DACH2: variants seen among roughly 807,000 people sequenced by gnomAD.
DACH2 encodes dachshund family transcription factor 2.
A neutral mutation model predicts 35.8 loss-of-function variants in DACH2; 17 were observed. The observed-to-expected ratio is 0.48, with a 90% CI of 0.33 to 0.71. The LOEUF (loss-of-function observed/expected upper bound fraction) is 0.71. Among genes scored for constraint, DACH2 ranks in the 30% least tolerant of loss-of-function variants. The pLI is 0.02. For synonymous variants in DACH2, 195 were observed against 177.3 expected, an observed-to-expected ratio of 1.10 and a Z score of -0.79; for missense variants, 469 against 472.7, an observed-to-expected ratio of 0.99 and a Z score of 0.07.
At chrX:86,829,381 A>G (rs1284156480) in intron 11 of DACH2, 1 of 112,385 alleles carries the variant, frequency 8.9e-6, no homozygotes, top group Non-Finnish European at 1.9e-5. Flanking sequence ...CATTAAATGG[A>G]ATTTCCAAAT....
chrX:86,658,587 A>G (rs1384316671), intron 4 of DACH2, among the ~76,000 whole-genome samples: 1 of 111,412 alleles, frequency 9.0e-6, no homozygotes, highest in Non-Finnish European at 1.9e-5. Context: ...GCTCCAAATG[A>G]GAAATTCTGT....
intron 1 of DACH2, among the ~76,000 whole-genome samples, chrX:86,254,807 T>TATATATATATATATATAG (rs1380613474): frequency 3.0e-4 from 15 of 49,642 alleles, no homozygotes; most frequent in African/African-American, 8.2e-4. Flanking sequence ...TATATATATA[T>TATATATATATATATATAG]AGAGAGAGAG....
At chrX:86,459,417 C>T (rs1242258013) in intron 2 of DACH2, among the ~76,000 whole-genome samples, 1 of 111,451 alleles carries the variant, frequency 9.0e-6, no homozygotes, top group Non-Finnish European at 1.9e-5. Context: ...TATTTAAACA[C>T]AACCTTTGCG....
intron 1 of DACH2, among the ~76,000 whole-genome samples, chrX:86,272,199 A>AGTGTGT (rs139733313): frequency 0.14 from 14,280 of 100,236 alleles, 823 homozygotes; most frequent in African/African-American, 0.17. Context: ...TTCCTTTGAG[A>AGTGTGT]GTGTGTGTGT....
intron 2 of DACH2, among the ~76,000 whole-genome samples, chrX:86,377,869 T>C (rs1433061314): frequency 2.7e-5 from 3 of 110,527 alleles, no homozygotes; most frequent in Admixed American, 1.9e-4. Context: ...AAGTTAGTTT[T>C]ACATGTCATG....
At chrX:86,156,407 G>A (rs1057188791) in intron 1 of DACH2, among the ~76,000 whole-genome samples, 12 of 111,208 alleles carry the variant, frequency 1.1e-4, no homozygotes, top group Non-Finnish European at 2.1e-4. Context: ...AGTATATGAC[G>A]TTCCTTAACA....
chrX:86,354,857 A>T (rs866042632), intron 1 of DACH2, among the ~76,000 whole-genome samples: 1 of 16,294 alleles, frequency 6.1e-5, no homozygotes. Context: ...TGAAAAAAAA[A>T]AACAAAACAA....
intron 7 of DACH2, among the ~76,000 whole-genome samples, chrX:86,811,789 T>C (rs2042397432): frequency 1.8e-5 from 2 of 112,128 alleles, no homozygotes; most frequent in South Asian, 7.4e-4. Context: ...TATGAAAGAC[T>C]GTCAGCCAGA....
chrX:86,191,421 A>G (rs1162587135), intron 1 of DACH2, among the ~76,000 whole-genome samples: 1 of 111,374 alleles, frequency 9.0e-6, no homozygotes, highest in African/African-American at 3.3e-5. Flanking sequence ...GTGGGAGCTA[A>G]GCCTCAAGTA....
chrX:86,529,946 T>TAC (rs779572561), intron 3 of DACH2, among the ~76,000 whole-genome samples: 2,529 of 79,093 alleles, frequency 0.032, 25 homozygotes, highest in Non-Finnish European at 0.038. Flanking sequence ...CCATTGTACA[T>TAC]ACACACACAC....
At chrX:86,652,460 C>A (rs377079219) in intron 4 of DACH2, among the ~76,000 whole-genome samples, 3 of 112,154 alleles carry the variant, frequency 2.7e-5, no homozygotes, top group African/African-American at 9.7e-5. Flanking sequence ...TGGGTGTATA[C>A]CCAGTAGTGG....
At chrX:86,810,964 G>C (rs2042389632) in intron 7 of DACH2, among the ~76,000 whole-genome samples, 1 of 111,732 alleles carries the variant, frequency 8.9e-6, no homozygotes, top group Non-Finnish European at 1.9e-5. Flanking sequence ...GAAAACATTT[G>C]CATCTGTGAA....
chrX:86,212,799 T>A (rs2147915122), intron 1 of DACH2, among the ~76,000 whole-genome samples: 1 of 111,347 alleles, frequency 9.0e-6, no homozygotes, highest in Non-Finnish European at 1.9e-5. Flanking sequence ...TTTAAGACAA[T>A]GTGTTCTAAA....
chrX:86,398,640 G>T lies in DACH2; in HGVS notation c.527+21778G>T, dbSNP rs188193662. Among the ~76,000 whole-genome samples, 384 of 111,726 alleles carry T rather than the reference G, an allele frequency of 3.4e-3. 2 individuals carry two copies. The highest frequency in any genetic ancestry group is 5.6e-3 in the Non-Finnish European group (295 of 53,107). On this transcript the variant is annotated intron_variant, in intron 2 of 11. Coordinates refer to ENST00000373125, the MANE Select transcript of DACH2 (RefSeq NM_053281.3). ...ATATCTTTATTTCTGCCTTCATTTC[G>T]TTATGTACCCAGTGGTTATTCAGGG...
chrX:86,628,977 A>C (rs2040168528), intron 3 of DACH2, among the ~76,000 whole-genome samples: 1 of 112,417 alleles, frequency 8.9e-6, no homozygotes, highest in Non-Finnish European at 1.9e-5. Flanking sequence ...TTAGCACTAC[A>C]ATTTAATTTT....
chrX:86,298,436 CTT>C (rs1293420098), intron 1 of DACH2, among the ~76,000 whole-genome samples: 1 of 112,108 alleles, frequency 8.9e-6, no homozygotes, highest in African/African-American at 3.2e-5. Flanking sequence ...TCTTAATTCT[CTT>C]GTTTGCTCTA....
chrX:86,205,490 C>CT (rs2032280616), intron 1 of DACH2, among the ~76,000 whole-genome samples: 1 of 23,322 alleles, frequency 4.3e-5, no homozygotes, highest in Non-Finnish European at 7.7e-5. Flanking sequence ...CCCTCCTTCC[C>CT]TCCTTCCTTC....
At chrX:86,250,180 C>A (rs191112765) in intron 1 of DACH2, among the ~76,000 whole-genome samples, 1 of 111,386 alleles carries the variant, frequency 9.0e-6, no homozygotes, top group African/African-American at 3.3e-5. Context: ...AACAAACTTG[C>A]ACATGTACTT....
chrX:86,331,721 T>G (rs2148049589), intron 1 of DACH2, among the ~76,000 whole-genome samples: 1 of 111,466 alleles, frequency 9.0e-6, no homozygotes. Context: ...AATTATAGAT[T>G]AATATTAAAA....
Sources: gnomAD v4.1 joint callset for allele counts (sites outside exome capture counted in the v4.1 genomes callset) on GRCh38, gnomAD v4.1.1 for gene constraint, MANE v1.5 for transcripts, NCBI Gene and HGNC (gene_info 2026-07-23, HGNC 2026-07-21) for gene names.